The following RAB3GAP2 variants were observed in gnomAD, a reference collection of about 807,000 sequenced individuals.
RAB3GAP2 encodes the protein RAB3 GTPase activating non-catalytic protein subunit 2.
RAB3GAP2 carries 87 observed loss-of-function variants against 185.3 expected under a neutral mutation model. The observed-to-expected ratio is 0.47, with a 90% CI of 0.39 to 0.56. The LOEUF is 0.56. Ranked by LOEUF, RAB3GAP2 falls within the 20% of genes least tolerant of loss-of-function variation. RAB3GAP2 has a pLI of 0.00. For missense variants in RAB3GAP2, 1,492 were observed against 1,638.2 expected (o/e 0.91, Z 1.54); for synonymous variants, 554 against 576.1 (o/e 0.96, Z 0.55).
chr1:220,211,701 T>C (rs1372278995), intron 4 of RAB3GAP2, among the ~76,000 whole-genome samples: 1 of 152,208 alleles, frequency 6.6e-6, no homozygotes, highest in Non-Finnish European at 1.5e-5. Context: ...CTGTCAAACC[T>C]GAGGATCATC....
chr1:220,212,654 A>T (rs1659105598), intron 4 of RAB3GAP2, among the ~76,000 whole-genome samples: 1 of 152,018 alleles, frequency 6.6e-6, no homozygotes, highest in African/African-American at 2.4e-5. Flanking sequence ...CATCACATCC[A>T]GCTAATTTTT....
rs764972305 is a variant in RAB3GAP2, at chr1:220,151,769, A to C, written c.3868-5T>G. Reference sequence around the variant, plus strand: ...GTCATGAACCTGTAGAATGGCCTGAAGATAGGAACATGGAGAAATAATACA... The same window carrying C: ...GTCATGAACCTGTAGAATGGCCTGACGATAGGAACATGGAGAAATAATACA... On this transcript the variant is annotated splice_region_variant and splice_polypyrimidine_tract_variant and intron_variant, in intron 33 of 34. Transcript: ENST00000358951. 1 of 1,599,856 alleles carries C rather than the reference A, an allele frequency of 6.3e-7. No individual in the cohort carries two copies. Among genetic ancestry groups the C allele is most frequent in the East Asian group, 2.2e-5 (1 of 44,826 alleles).
Position 220,154,267 on chromosome 1 carries a change from G to A in RAB3GAP2, c.3556-210C>T, listed in dbSNP as rs550988655. On this transcript the variant is annotated intron_variant, in intron 31 of 34. Transcript: ENST00000358951. ...CAGTGATCCCCTCCTCCTGGTATTC[G>A]TGTTTCCTATAGTCTCCTCTCCTTG... 8.4e-5 allele frequency: 53 copies of A among 632,528 alleles called. 1 individual carries two copies. The East Asian group carries it at 1.5e-3, about 18-fold the overall frequency. 39.2% of individuals were successfully genotyped at this position (632,528 alleles called of 1,614,324 possible). A position where few individuals can be genotyped will look rare whatever the true frequency, so the allele number is the denominator to read the frequency against.
At chr1:220,239,835 G>T (rs1479674779) in intron 1 of RAB3GAP2, among the ~76,000 whole-genome samples, 2 of 151,952 alleles carry the variant, frequency 1.3e-5, no homozygotes, top group Non-Finnish European at 2.9e-5. Context: ...AACAAAATTT[G>T]TATCATTACT....
chr1:220,266,260 C>A, intron 1 of RAB3GAP2: 1 of 223,014 alleles, frequency 4.5e-6, no homozygotes, highest in Non-Finnish European at 9.0e-6. Context: ...ATCACGTACT[C>A]AGTCCAACAG....
chr1:220,159,910 G>A (rs1657933490), intron 28 of RAB3GAP2, among the ~76,000 whole-genome samples: 1 of 152,096 alleles, frequency 6.6e-6, no homozygotes, highest in African/African-American at 2.4e-5. Context: ...CTAGCTACTC[G>A]GGAGGCTGAG....
intron 2 of RAB3GAP2, chr1:220,219,486 A>G (rs1659262527): frequency 6.6e-6 from 1 of 152,234 alleles, no homozygotes; most frequent in Non-Finnish European, 1.5e-5. Context: ...CTTCACTTCT[A>G]AAATCAGGGG....
intron 2 of RAB3GAP2, among the ~76,000 whole-genome samples, chr1:220,214,309 G>A (rs1339281777): frequency 6.6e-6 from 1 of 152,136 alleles, no homozygotes; most frequent in South Asian, 2.1e-4. Flanking sequence ...GCCAAGGACA[G>A]GAGGTCAGGA....
chr1:220,222,475 C>G (rs1211708511), intron 2 of RAB3GAP2, among the ~76,000 whole-genome samples: 8 of 152,112 alleles, frequency 5.3e-5, no homozygotes, highest in African/African-American at 1.9e-4. Flanking sequence ...ATCCTGAGAT[C>G]TTTTCAACAT....
At chr1:220,166,160 AT>A (rs1658057530) in intron 26 of RAB3GAP2, among the ~76,000 whole-genome samples, 1 of 152,196 alleles carries the variant, frequency 6.6e-6, no homozygotes, top group Admixed American at 6.5e-5. Flanking sequence ...TCCTAAAATC[AT>A]TTTTTGGTCA....
chr1:220,231,782 A>C (rs1659505298), intron 2 of RAB3GAP2, among the ~76,000 whole-genome samples: 1 of 152,204 alleles, frequency 6.6e-6, no homozygotes, highest in Non-Finnish European at 1.5e-5. Context: ...TGAAAAGCCC[A>C]AGTCTTTTTC....
intron 2 of RAB3GAP2, among the ~76,000 whole-genome samples, chr1:220,226,342 G>T (rs1008580395): frequency 4.0e-5 from 6 of 151,672 alleles, no homozygotes; most frequent in Non-Finnish European, 8.8e-5. Flanking sequence ...TCCCTTTACA[G>T]CATAAGGCTG....
rs1660231975 is a variant in RAB3GAP2 at position 220,266,662 on chromosome 1, T to C, written c.115+5561A>G. On this transcript the variant is annotated intron_variant, in intron 1 of 34. Transcript: ENST00000358951. Reference sequence around the variant, plus strand: ...TTGGTAGCATGTTCCTGAGAGGTTATACAGCAGCCCTGGCTCAAGGATTTC... The same window carrying C: ...TTGGTAGCATGTTCCTGAGAGGTTACACAGCAGCCCTGGCTCAAGGATTTC... 5 of 1,494,728 alleles carry C rather than the reference T, an allele frequency of 3.3e-6. No individual in the cohort carries two copies. In the Admixed American group the frequency reaches 5.0e-5, roughly 15 times the overall value. 92.6% of individuals were successfully genotyped at this position (1,494,728 alleles called of 1,614,324 possible). A position where few individuals can be genotyped will look rare whatever the true frequency, so the allele number is the denominator to read the frequency against.
intron 24 of RAB3GAP2, among the ~76,000 whole-genome samples, chr1:220,168,077 CAATAT>C (rs1304544659): frequency 2.6e-5 from 4 of 151,936 alleles, no homozygotes; most frequent in Admixed American, 2.0e-4. Flanking sequence ...CTCCTAAGGC[CAATAT>C]AATATTACTT....
At chr1:220,214,850 T>C (rs1187260663) in intron 2 of RAB3GAP2, among the ~76,000 whole-genome samples, 1 of 150,572 alleles carries the variant, frequency 6.6e-6, no homozygotes, top group Non-Finnish European at 1.5e-5. Flanking sequence ...TTGTTAACTC[T>C]AGAGACAATG....
chr1:220,245,337 G>A (rs375675611), intron 1 of RAB3GAP2, among the ~76,000 whole-genome samples: 5 of 152,216 alleles, frequency 3.3e-5, no homozygotes, highest in African/African-American at 4.8e-5. Context: ...GAAGCAGGGC[G>A]AGGCATTGCC....
chr1:220,237,089 C>T (rs1659607486), intron 1 of RAB3GAP2, among the ~76,000 whole-genome samples: 1 of 152,090 alleles, frequency 6.6e-6, no homozygotes, highest in South Asian at 2.1e-4. Flanking sequence ...TTTGAAAGCC[C>T]TAAGCTCTGG....
chr1:220,167,161 A>C, intron 26 of RAB3GAP2, 132 bp downstream of exon 26: 3 of 793,596 alleles, frequency 3.8e-6, no homozygotes, highest in South Asian at 2.9e-5. Context: ...GGTCTACCCT[A>C]GTTAGTACAG....
At chr1:220,254,407 G>A in intron 1 of RAB3GAP2, 1 of 1,612,958 alleles carries the variant, frequency 6.2e-7, no homozygotes. Flanking sequence ...TACACCTCTG[G>A]ATGAGAAGAG....
Sources: gnomAD v4.1 joint callset for allele counts (sites outside exome capture counted in the v4.1 genomes callset) on GRCh38, gnomAD v4.1.1 for gene constraint, MANE v1.5 for transcripts, NCBI Gene and HGNC (gene_info 2026-07-23, HGNC 2026-07-21) for gene names.